Variants in LHX8 observed in about 807,000 individuals in gnomAD.
The protein encoded by LHX8 is LIM/homeobox protein Lhx8.
Under a neutral mutation model 40.3 loss-of-function variants are expected in LHX8, and 12 were observed. That is an observed-to-expected ratio of 0.30 (90% confidence interval 0.19 to 0.48). The LOEUF (loss-of-function observed/expected upper bound fraction) is 0.48, where lower values mean the gene tolerates loss of function less well. Among genes scored for constraint, LHX8 ranks in the 20% least tolerant of loss-of-function variants. The pLI, the probability that LHX8 is intolerant of heterozygous loss-of-function variation, is 0.99. For synonymous variants in LHX8, 179 were observed against 162.0 expected, an observed-to-expected ratio of 1.10 and a Z score of -0.80; for missense variants, 344 against 433.7, an observed-to-expected ratio of 0.79 and a Z score of 1.84.
the LHX8 span, among the ~76,000 whole-genome samples, chr1:75,184,572 G>A: frequency 6.6e-6 from 1 of 152,114 alleles, no homozygotes; most frequent in Non-Finnish European, 1.5e-5. Context: ...AAACGAAGGA[G>A]AACAAAGATA....
At chr1:75,152,914 A>G (rs377082866) in intron 7 of LHX8, among the ~76,000 whole-genome samples, 2 of 152,278 alleles carry the variant, frequency 1.3e-5, no homozygotes, top group African/African-American at 2.4e-5. Flanking sequence ...TTTCATTTTT[A>G]AGACCGTATG....
At position 75,156,947 on chromosome 1, in the gene LHX8, T is replaced by C. The variant is rs1465664677; in HGVS notation, c.835T>C (p.Ser279Pro). 4 of 1,614,160 alleles carry C rather than the reference T, an allele frequency of 2.5e-6. No individual in the cohort carries two copies. Among genetic ancestry groups the C allele is most frequent in the Admixed American group, 1.7e-5 (1 of 60,020 alleles). The change falls in exon 8 of 9, where the codon TCA becomes CCA. Residue 279 changes from serine to proline, a missense_variant. Transcript: ENST00000356261. ...RHKKHVSPNH[S>P]SSTPVTAVPP... ...CAAGAAACACGTCAGTCCTAATCACTCATCCTCCACCCCAGTCACAGCAGT... is the reference window on the plus strand; with the variant it reads ...CAAGAAACACGTCAGTCCTAATCACCCATCCTCCACCCCAGTCACAGCAGT...
intron 7 of LHX8, among the ~76,000 whole-genome samples, chr1:75,153,188 C>A (rs1283486441): frequency 1.3e-5 from 2 of 152,136 alleles, no homozygotes; most frequent in African/African-American, 4.8e-5. Context: ...TCACTTCAAC[C>A]TCCGCCTTCC....
the LHX8 span, among the ~76,000 whole-genome samples, chr1:75,196,752 G>A: frequency 5.3e-5 from 8 of 152,148 alleles, no homozygotes; most frequent in African/African-American, 1.7e-4. Flanking sequence ...AGCAATAGAC[G>A]AGAGTTACTC....
chr1:75,147,882 C>A (rs1057364352), intron 6 of LHX8, among the ~76,000 whole-genome samples: 1 of 152,182 alleles, frequency 6.6e-6, no homozygotes, highest in African/African-American at 2.4e-5. Context: ...ATTGGCATGT[C>A]GGCATCTTTC....
At chr1:75,157,846 C>A (rs1648812258) in intron 8 of LHX8, among the ~76,000 whole-genome samples, 1 of 152,128 alleles carries the variant, frequency 6.6e-6, no homozygotes, top group African/African-American at 2.4e-5. Flanking sequence ...CCAGTTTGTG[C>A]TTTTATGAAT....
chr1:75,161,753 C>T (rs1355537578), downstream of LHX8, among the ~76,000 whole-genome samples: 1 of 151,330 alleles, frequency 6.6e-6, no homozygotes, highest in East Asian at 1.9e-4. Context: ...AAAGAGAAGG[C>T]AGAACACTTT....
intron 5 of LHX8, 81 bp from the exon 6 acceptor site, chr1:75,143,764 A>C: frequency 1.9e-6 from 2 of 1,059,614 alleles, no homozygotes; most frequent in Non-Finnish European, 1.5e-6. Flanking sequence ...CAAAAAGCCA[A>C]GAGATATAAG....
intron 1 of LHX8, among the ~76,000 whole-genome samples, chr1:75,128,971 C>A (rs900399272): frequency 1.3e-5 from 2 of 152,140 alleles, no homozygotes; most frequent in African/African-American, 2.4e-5. Flanking sequence ...ATTGACCTAC[C>A]CTTCACTGGG....
chr1:75,190,103 C>A, the LHX8 span, among the ~76,000 whole-genome samples: 2 of 152,210 alleles, frequency 1.3e-5, no homozygotes, highest in African/African-American at 4.8e-5. Context: ...GAGCTGAACA[C>A]AGATGAGATA....
chr1:75,160,991 T>A lies in LHX8; in HGVS notation c.*96T>A. 1 of 944,144 alleles carries A rather than the reference T, an allele frequency of 1.1e-6. No homozygotes were observed. Among genetic ancestry groups the A allele is most frequent in the Non-Finnish European group, 1.7e-6 (1 of 585,508 alleles). The allele number at this position is 944,144 out of a possible 1,614,324, so 58.5% of individuals were successfully genotyped here. A position where few individuals can be genotyped will look rare whatever the true frequency, so the allele number is the denominator to read the frequency against. On this transcript the variant is annotated 3_prime_UTR_variant, in exon 9 of 9. Transcript: ENST00000356261. ...AAGATATTACTGTTAATTTTTTATT[T>A]AACACCTAAAGCATTTCCAACATCA...
rs192150270 is a variant in LHX8, at chr1:75,136,587, C to T, written c.-12-16C>T. ...TGATCTGTTTCTCCATACTTTCTCC[C>T]CCTCCTACTCCGCAGTGTCAGGGGC... On this transcript the variant is annotated splice_polypyrimidine_tract_variant and intron_variant, in intron 1 of 8. Transcript: ENST00000356261. The T allele has an allele frequency of 3.3e-6, 5 of 1,530,744 alleles. No individual in the cohort carries two copies. In the East Asian group the frequency reaches 1.2e-4, roughly 38 times the overall value. 94.8% of individuals were successfully genotyped at this position (1,530,744 alleles called of 1,614,324 possible). A position where few individuals can be genotyped will look rare whatever the true frequency, so the allele number is the denominator to read the frequency against.
At chr1:75,192,067 A>C in the LHX8 span, among the ~76,000 whole-genome samples, 109 of 152,324 alleles carry the variant, frequency 7.2e-4, no homozygotes, top group Non-Finnish European at 1.4e-3. Context: ...TTTGTGCCTT[A>C]ATTTCTCCAT....
the LHX8 span, among the ~76,000 whole-genome samples, chr1:75,183,566 A>C: frequency 1.3e-5 from 2 of 152,168 alleles, no homozygotes; most frequent in African/African-American, 2.4e-5. Context: ...CTTTCCCTAT[A>C]AGCAAATGGT....
chr1:75,189,424 C>A, the LHX8 span, among the ~76,000 whole-genome samples: 1 of 152,076 alleles, frequency 6.6e-6, no homozygotes, highest in Non-Finnish European at 1.5e-5. Context: ...ATAATTCAAG[C>A]CTTTAAGTGA....
upstream of LHX8, chr1:75,130,815 GCAAAA>G: frequency 7.3e-7 from 1 of 1,363,188 alleles, no homozygotes; most frequent in Admixed American, 1.7e-5. Context: ...CACGTGATGG[GCAAAA>G]ATCCAAAGAC....
chr1:75,156,426 G>T (rs980484032), intron 7 of LHX8, among the ~76,000 whole-genome samples: 1 of 152,032 alleles, frequency 6.6e-6, no homozygotes, highest in Non-Finnish European at 1.5e-5. Context: ...ATTTTTAGTA[G>T]AGACGGGGTT....
chr1:75,162,467 G>C (rs1648942759), downstream of LHX8, among the ~76,000 whole-genome samples: 1 of 152,052 alleles, frequency 6.6e-6, no homozygotes. Flanking sequence ...GCATTTCCCA[G>C]CTGACTATAA....
the LHX8 span, among the ~76,000 whole-genome samples, chr1:75,178,409 A>G: frequency 2.2e-4 from 33 of 151,950 alleles, no homozygotes; most frequent in Non-Finnish European, 4.4e-4. Context: ...GGGGGGGTGT[A>G]TGTGTCCAGG....
Sources: allele counts gnomAD v4.1 joint callset (sites outside exome capture counted in the v4.1 genomes callset), GRCh38; gene constraint gnomAD v4.1.1; transcripts MANE v1.5; gene names NCBI Gene and HGNC (gene_info 2026-07-23, HGNC 2026-07-21).